Variants in DENND1A observed in about 807,000 individuals in gnomAD.
DENND1A encodes DENN domain containing 1A, also known as DENN domain-containing protein 1A.
In DENND1A, 51 loss-of-function variants were observed where a neutral mutation model predicts 113.7. The observed-to-expected ratio is 0.45, with a 90% CI of 0.36 to 0.57. The LOEUF (loss-of-function observed/expected upper bound fraction) is 0.57. DENND1A is among the 20% of genes least tolerant of loss of function. The pLI is 0.00. For missense variants in DENND1A, 1,258 were observed against 1,395.9 expected, an observed-to-expected ratio of 0.90 and a Z score of 1.57; for synonymous variants, 565 against 570.8, an observed-to-expected ratio of 0.99 and a Z score of 0.14.
intron 13 of DENND1A, among the ~76,000 whole-genome samples, chr9:123,518,341 T>TG (rs1454914343): frequency 2.2e-4 from 33 of 151,960 alleles, no homozygotes; most frequent in Admixed American, 5.9e-4. Context: ...AACAAGAAAA[T>TG]GTAGATGCAG....
intron 2 of DENND1A, among the ~76,000 whole-genome samples, chr9:123,806,305 G>A (rs1424110242): frequency 6.6e-6 from 1 of 151,970 alleles, no homozygotes; most frequent in Non-Finnish European, 1.5e-5. Context: ...ACCGAGGCTG[G>A]AGTGCAGTGG....
chr9:123,385,101 G>A (rs976781460), intron 22 of DENND1A, among the ~76,000 whole-genome samples: 9 of 152,352 alleles, frequency 5.9e-5, no homozygotes, highest in Admixed American at 5.2e-4. Context: ...GGTAGATGGA[G>A]AGGCAGCGCC....
chr9:123,765,902 T>C (rs73667917), intron 4 of DENND1A, among the ~76,000 whole-genome samples: 11,812 of 152,230 alleles, frequency 0.078, 929 homozygotes, highest in African/African-American at 0.2. Flanking sequence ...GTGCCTTTCC[T>C]GGCCCTGTAA....
At chr9:123,811,227 C>T (rs59475889) in intron 2 of DENND1A, among the ~76,000 whole-genome samples, 4,953 of 152,232 alleles carry the variant, frequency 0.033, 263 homozygotes, top group African/African-American at 0.11. Flanking sequence ...AAAAGGGATG[C>T]AAATAGGTGC....
intron 5 of DENND1A, among the ~76,000 whole-genome samples, chr9:123,727,352 G>T (rs1325575736): frequency 6.6e-6 from 1 of 152,128 alleles, no homozygotes; most frequent in African/African-American, 2.4e-5. Flanking sequence ...TGAAGTAAAA[G>T]AAATTAAATG....
chr9:123,387,968 T>A (rs1236708856), intron 21 of DENND1A, 110 bp from the exon 22 acceptor site: 5 of 1,140,074 alleles, frequency 4.4e-6, no homozygotes, highest in Non-Finnish European at 5.7e-6. Context: ...GCCCTGCCTC[T>A]GTGTGCCAGC....
intron 5 of DENND1A, among the ~76,000 whole-genome samples, chr9:123,743,453 C>T (rs527571356): frequency 1.4e-4 from 21 of 147,620 alleles, no homozygotes; most frequent in South Asian, 4.4e-4. Flanking sequence ...AAACATAGGC[C>T]GGGCGCGGTG....
chr9:123,433,915 C>T (rs186908851), intron 19 of DENND1A, among the ~76,000 whole-genome samples: 97 of 152,340 alleles, frequency 6.4e-4, no homozygotes, highest in East Asian at 5.6e-3. Flanking sequence ...CCTCATTCCT[C>T]TCCATTCCCT....
At chr9:123,635,154 C>A (rs1975063) in intron 9 of DENND1A, among the ~76,000 whole-genome samples, 2 of 151,864 alleles carry the variant, frequency 1.3e-5, no homozygotes. Flanking sequence ...CCAATGCCTC[C>A]GCTGAATCCT....
intron 10 of DENND1A, among the ~76,000 whole-genome samples, chr9:123,626,247 G>T (rs1255049831): frequency 6.6e-6 from 1 of 152,030 alleles, no homozygotes; most frequent in Non-Finnish European, 1.5e-5. Flanking sequence ...GGCGGGGGGT[G>T]TCTCTCCCTG....
chr9:123,406,554 C>T (rs71511575), intron 20 of DENND1A, among the ~76,000 whole-genome samples: 15,505 of 152,282 alleles, frequency 0.1, 887 homozygotes, highest in African/African-American at 0.15. Context: ...TTTTTAGAAA[C>T]GAATGAATGT....
chr9:123,665,547 C>G (rs1019955046), intron 8 of DENND1A, among the ~76,000 whole-genome samples: 1 of 152,138 alleles, frequency 6.6e-6, no homozygotes. Context: ...AATACTACAG[C>G]CTAACTTCAT....
At chr9:123,709,446 C>A (rs1385918162) in intron 5 of DENND1A, among the ~76,000 whole-genome samples, 3 of 152,184 alleles carry the variant, frequency 2.0e-5, no homozygotes, top group East Asian at 3.8e-4. Context: ...CCTTGAGTCT[C>A]TATACTTGGC....
At chr9:123,389,304 G>A (rs2042723883) in intron 21 of DENND1A, among the ~76,000 whole-genome samples, 1 of 152,268 alleles carries the variant, frequency 6.6e-6, no homozygotes, top group Non-Finnish European at 1.5e-5. Context: ...TGAGGCTCAG[G>A]AGGGGAAGCC....
At chr9:123,655,452 C>T (rs940300987) in intron 8 of DENND1A, among the ~76,000 whole-genome samples, 2 of 152,048 alleles carry the variant, frequency 1.3e-5, no homozygotes, top group Admixed American at 1.3e-4. Context: ...TGGCTCTGAG[C>T]CAGATGAAGC....
chr9:123,869,114 T>G (rs1029864917), intron 2 of DENND1A, among the ~76,000 whole-genome samples: 1 of 152,226 alleles, frequency 6.6e-6, no homozygotes, highest in African/African-American at 2.4e-5. Flanking sequence ...ATAATTTGTG[T>G]GATAGCTTTC....
chr9:123,436,743 C>T (rs992677686), intron 19 of DENND1A, among the ~76,000 whole-genome samples: 1 of 151,766 alleles, frequency 6.6e-6, no homozygotes, highest in Non-Finnish European at 1.5e-5. Context: ...AGTTTGTTGA[C>T]AAAATATCTT....
At chr9:123,513,568 C>T (rs946450843) in intron 13 of DENND1A, among the ~76,000 whole-genome samples, 1 of 152,194 alleles carries the variant, frequency 6.6e-6, no homozygotes, top group Non-Finnish European at 1.5e-5. Flanking sequence ...CGGGAAGAGC[C>T]GCTGGGTGTC....
Position 123,612,228 on chromosome 9 carries a change from G to A in DENND1A, c.720-2747C>T, listed in dbSNP as rs1241386508. 3.3e-5 allele frequency among the ~76,000 whole-genome samples: 5 copies of A among 152,350 alleles called. No individual in the cohort carries two copies. The East Asian group carries it at 9.6e-4, about 29-fold the overall frequency. On this transcript the variant is annotated intron_variant, in intron 10 of 23. Coordinates refer to ENST00000394215, the MANE Select transcript of DENND1A (RefSeq NM_001352964.2). The stretch of plus-strand genomic sequence containing the variant: ...TACGAATTCCAAGTGGTGAGAGGGA[G>A]AGGGAAGAAAAAGAAACCCAGAATT...
Sources: allele counts gnomAD v4.1 joint callset (sites outside exome capture counted in the v4.1 genomes callset), GRCh38; gene constraint gnomAD v4.1.1; transcripts MANE v1.5; gene names NCBI Gene and HGNC (gene_info 2026-07-23, HGNC 2026-07-21).